MEIOC: variants seen among roughly 807,000 people sequenced by gnomAD.
MEIOC encodes the protein meiosis-specific coiled-coil domain-containing protein MEIOC.
MEIOC carries 9 observed loss-of-function variants against 85.3 expected under a neutral mutation model. The ratio of observed to expected loss-of-function variants is 0.11; its 90% CI spans 0.06 to 0.18. The LOEUF (loss-of-function observed/expected upper bound fraction) is 0.18, where lower values mean the gene tolerates loss of function less well. MEIOC is among the 10% of genes least tolerant of loss of function. The pLI is 1.00. For missense variants in MEIOC, 898 were observed against 1,129.4 expected, an observed-to-expected ratio of 0.80 and a Z score of 2.94; for synonymous variants, 365 against 393.7, an observed-to-expected ratio of 0.93 and a Z score of 0.86.
rs928730787 is a variant in MEIOC at position 44,675,512 on chromosome 17, T to TA, written c.*1327dup. On this transcript the variant is annotated 3_prime_UTR_variant, in exon 8 of 8. Transcript: ENST00000409122. Reference sequence around the variant, plus strand: ...TTCTTAGTTTTAGAAATTCTGGTATTAAAAAAAAAAAGAGTGTAATCATAC... The same window carrying TA: ...TTCTTAGTTTTAGAAATTCTGGTATTAAAAAAAAAAAAGAGTGTAATCATAC... 0.015 allele frequency: 10,175 copies of TA among 701,352 alleles called. 1 individual carries two copies. The highest frequency in any genetic ancestry group is 0.016 in the Non-Finnish European group (9,005 of 573,586). 43.4% of individuals were successfully genotyped at this position (701,352 alleles called of 1,614,324 possible).
At position 44,675,109 on chromosome 17, in the gene MEIOC, C is replaced by A; in HGVS notation, c.*913C>A. 1.0e-6 allele frequency: 1 copy of A among 984,728 alleles called. No individual in the cohort carries two copies. The highest frequency in any genetic ancestry group is 1.2e-6 in the Non-Finnish European group (1 of 829,492). 61.0% of individuals were successfully genotyped at this position (984,728 alleles called of 1,614,324 possible). A position where few individuals can be genotyped will look rare whatever the true frequency, so the allele number is the denominator to read the frequency against. On this transcript the variant is annotated 3_prime_UTR_variant, in exon 8 of 8. Coordinates refer to ENST00000409122, the MANE Select transcript of MEIOC (RefSeq NM_001145080.3). The stretch of plus-strand genomic sequence containing the variant: ...AAAGGTTAATCTCTAACTAGTTTAG[C>A]TTGCAATTGGTTAGTGTATATTTTG...
downstream of MEIOC, chr17:44,676,869 G>C: frequency 1.3e-6 from 1 of 763,150 alleles, no homozygotes; most frequent in South Asian, 6.0e-5. Flanking sequence ...CATTTTAGAC[G>C]TAAAGGATTT....
chr17:44,661,399 C>G (rs563822105), intron 2 of MEIOC, among the ~76,000 whole-genome samples: 1 of 151,224 alleles, frequency 6.6e-6, no homozygotes, highest in South Asian at 2.1e-4. Context: ...GAGTGACTTG[C>G]AGCCTCAGTT....
intron 1 of MEIOC, 27 bp downstream of exon 1, chr17:44,656,709 A>C: frequency 6.8e-7 from 1 of 1,462,250 alleles, no homozygotes; most frequent in African/African-American, 1.5e-5. Flanking sequence ...GGCAGGGTCC[A>C]GGGGGCGGCC....
Position 44,668,087 on chromosome 17 carries a change from T to A in MEIOC, c.2176T>A (p.Tyr726Asn). ...TTTGTACCCTTATTTTAATATGATG[T>A]ATGGTGATAATTCTTTTTCTGGTCT... ...SHLYPYFNMM[Y>N]GDNSFSGLMP... Residue 726 changes from tyrosine to asparagine, a missense_variant, in exon 5 of 8, where the codon TAT (tyrosine) becomes AAT (asparagine). This residue lies in a region of MEIOC where 734 missense variants were observed against 860.1 expected (regional missense o/e 0.85). Coordinates refer to ENST00000409122, the MANE Select transcript of MEIOC (RefSeq NM_001145080.3). The A allele has an allele frequency of 6.2e-7, 1 of 1,613,640 alleles. No individual in the cohort carries two copies. The highest frequency in any genetic ancestry group is 1.1e-5 in the South Asian group (1 of 91,042).
At chr17:44,663,790 A>C (rs939884172) in intron 3 of MEIOC, among the ~76,000 whole-genome samples, 1 of 152,150 alleles carries the variant, frequency 6.6e-6, no homozygotes, top group Non-Finnish European at 1.5e-5. Context: ...TTATGAGATA[A>C]CACATGTAGT....
At chr17:44,665,686 A>G (rs1971893830) in intron 4 of MEIOC, among the ~76,000 whole-genome samples, 198 bp downstream of exon 4, 1 of 152,134 alleles carries the variant, frequency 6.6e-6, no homozygotes. Flanking sequence ...GGTTTTGTAT[A>G]AGGACTTTCA....
chr17:44,667,160 G>C lies in MEIOC; in HGVS notation c.1249G>C (p.Gly417Arg), dbSNP rs772628987. ...AKEAVFTADFGLTSEYGLKPH... is the reference protein window; with the variant it reads ...AKEAVFTADFRLTSEYGLKPH... Reference sequence around the variant, plus strand: ...GGAAGCAGTATTCACTGCTGATTTTGGCTTAACATCAGAATATGGACTAAA... The same window carrying C: ...GGAAGCAGTATTCACTGCTGATTTTCGCTTAACATCAGAATATGGACTAAA... The change falls in exon 5 of 8, where the codon GGC (glycine) becomes CGC (arginine). Residue 417 changes from glycine to arginine, a missense_variant. By Grantham distance (125) the Gly-to-Arg change is moderately radical (BLOSUM62 -2). Coordinates refer to ENST00000409122, the MANE Select transcript of MEIOC (RefSeq NM_001145080.3). 2.4e-5 allele frequency: 39 copies of C among 1,613,728 alleles called. No individual in the cohort carries two copies. The highest frequency in any genetic ancestry group is 3.0e-5 in the Non-Finnish European group (35 of 1,179,892).
intron 5 of MEIOC, among the ~76,000 whole-genome samples, chr17:44,669,066 G>A (rs1971957636): frequency 6.6e-6 from 1 of 152,146 alleles, no homozygotes; most frequent in Non-Finnish European, 1.5e-5. Context: ...AGCCAGGCGT[G>A]GTGGCAGGCA....
chr17:44,673,329 G>A, intron 6 of MEIOC, 37 bp from the exon 7 acceptor site: 2 of 1,477,580 alleles, frequency 1.4e-6, no homozygotes, highest in Non-Finnish European at 1.8e-6. Context: ...GTTAATGGCA[G>A]GACATGTCTT....
chr17:44,657,094 C>G, intron 1 of MEIOC, 33 bp from the exon 2 acceptor site: 1 of 1,537,666 alleles, frequency 6.5e-7, no homozygotes, highest in Non-Finnish European at 8.8e-7. Flanking sequence ...CTCGTGACCA[C>G]TTTCTGATAT....
intron 7 of MEIOC, 107 bp from the exon 8 acceptor site, chr17:44,673,868 CA>C: frequency 1.5e-6 from 2 of 1,317,474 alleles, no homozygotes; most frequent in Non-Finnish European, 2.1e-6. Flanking sequence ...CCTTTTTTTA[CA>C]AAAATAACAT....
At position 44,667,774 on chromosome 17, in the gene MEIOC, A is replaced by G; in HGVS notation, c.1863A>G (p.Glu621=). 2 of 1,613,930 alleles carry G rather than the reference A, an allele frequency of 1.2e-6. No individual in the cohort carries two copies. Among genetic ancestry groups the G allele is most frequent in the Middle Eastern group, 1.6e-4 (1 of 6,062 alleles). The part of the protein sequence containing the change: ...KPQSGHYDPE[E]GPKHLDGLSQ... ...AGAGTGGACATTATGATCCTGAGGAAGGTCCAAAGCATTTAGATGGCTTAT... is the reference window on the plus strand; with the variant it reads ...AGAGTGGACATTATGATCCTGAGGAGGGTCCAAAGCATTTAGATGGCTTAT... Residue 621 remains glutamate (E), a synonymous_variant, in exon 5 of 8, where the codon GAA becomes GAG. Coordinates refer to ENST00000409122, the MANE Select transcript of MEIOC (RefSeq NM_001145080.3).
Position 44,668,138 on chromosome 17 carries a change from C to G in MEIOC, c.2227C>G (p.Pro743Ala). Residue 743 changes from proline to alanine, a missense_variant, in exon 5 of 8, where the codon CCA (proline) becomes GCA (alanine). Pro to Ala is a conservative substitution (Grantham distance 27). This residue lies in a region of MEIOC where 164 missense variants were observed against 269.2 expected (regional missense o/e 0.61). Coordinates refer to ENST00000409122, the MANE Select transcript of MEIOC (RefSeq NM_001145080.3). ...GLMPTFGFQR[P>A]IKTRSGPASE... The stretch of plus-strand genomic sequence containing the variant: ...CATGCCAACTTTTGGATTTCAAAGA[C>G]CAATTAAAACCCGTAGTGGACCAGC... The G allele has an allele frequency of 6.2e-7, 1 of 1,613,824 alleles. No homozygotes were observed. Among genetic ancestry groups the G allele is most frequent in the Non-Finnish European group, 8.5e-7 (1 of 1,179,834 alleles).
At chr17:44,668,368 G>A (rs1971944282) in intron 5 of MEIOC, 135 bp downstream of exon 5, 1 of 836,090 alleles carries the variant, frequency 1.2e-6, no homozygotes, top group Non-Finnish European at 1.8e-6. Context: ...AAGAGACAGA[G>A]TCTCGCTCTG....
At chr17:44,659,214 T>A (rs1173920453) in intron 2 of MEIOC, among the ~76,000 whole-genome samples, 1 of 152,222 alleles carries the variant, frequency 6.6e-6, no homozygotes, top group African/African-American at 2.4e-5. Flanking sequence ...TAATCCACAC[T>A]AAGAATCTTG....
Position 44,656,526 on chromosome 17 carries a change from G to A in MEIOC, c.-88G>A, listed in dbSNP as rs914011688. On this transcript the variant is annotated 5_prime_UTR_variant, in exon 1 of 8. Transcript: ENST00000409122. ...GCGGCTGCGGAGACGGCGGGGTGCG[G>A]GCTGAGGGAGCCGGGCCTGGACGCC... The A allele has an allele frequency of 3.8e-5, 42 of 1,108,742 alleles. No individual in the cohort carries two copies. The highest frequency in any genetic ancestry group is 3.2e-5 in the East Asian group (1 of 31,024). The allele number at this position is 1,108,742 out of a possible 1,614,324, so 68.7% of individuals were successfully genotyped here.
rs929134574 is a variant in MEIOC, at chr17:44,675,161, T to G, written c.*965T>G. The G allele has an allele frequency of 4.1e-6, 4 of 985,148 alleles. No individual in the cohort carries two copies. The highest frequency in any genetic ancestry group is 4.8e-6 in the Non-Finnish European group (4 of 829,728). 61.0% of individuals were successfully genotyped at this position (985,148 alleles called of 1,614,324 possible). On this transcript the variant is annotated 3_prime_UTR_variant, in exon 8 of 8. Transcript: ENST00000409122. ...GTAGTTGTGTTCATTAGTTTGCTTC[T>G]AAGTTCTAAAATGTATTTTTTAAAG...
intron 1 of MEIOC, 27 bp from the exon 2 acceptor site, chr17:44,657,100 G>C (rs964748593): frequency 1.3e-6 from 2 of 1,540,916 alleles, no homozygotes; most frequent in African/African-American, 2.7e-5. Flanking sequence ...ACCACTTTCT[G>C]ATATTTCCTA....
Sources: allele counts gnomAD v4.1 joint callset (sites outside exome capture counted in the v4.1 genomes callset), GRCh38; gene constraint gnomAD v4.1.1; regional missense constraint gnomAD v4.1.1; transcripts MANE v1.5; gene names NCBI Gene and HGNC (gene_info 2026-07-23, HGNC 2026-07-21).